Variants in GSG1L observed in about 807,000 individuals in gnomAD.
The protein encoded by GSG1L is GSG1 like, also known as germ cell-specific gene 1-like protein.
GSG1L carries 24 observed loss-of-function variants against 42.1 expected under a neutral mutation model. The ratio of observed to expected loss-of-function variants is 0.57; its 90% CI spans 0.41 to 0.80. The LOEUF (loss-of-function observed/expected upper bound fraction) is 0.80. GSG1L is among the 30% of genes least tolerant of loss of function. The pLI is 0.00. For synonymous variants in GSG1L, 215 were observed against 203.5 expected (o/e 1.06, Z -0.48); for missense variants, 445 against 472.2 (o/e 0.94, Z 0.53).
At chr16:28,020,869 G>T (rs1273991849) in intron 1 of GSG1L, among the ~76,000 whole-genome samples, 1 of 152,166 alleles carries the variant, frequency 6.6e-6, no homozygotes, top group African/African-American at 2.4e-5. Context: ...GGCCCCTTGG[G>T]AGGATTCTCC....
At chr16:27,808,009 C>G (rs565888664) in intron 5 of GSG1L, among the ~76,000 whole-genome samples, 2 of 152,356 alleles carry the variant, frequency 1.3e-5, no homozygotes, top group African/African-American at 4.8e-5. Context: ...AGGGAATTAA[C>G]TCCGGAGGCT....
At chr16:27,846,488 ATAAT>A (rs1239064722) in intron 3 of GSG1L, among the ~76,000 whole-genome samples, 1 of 152,226 alleles carries the variant, frequency 6.6e-6, no homozygotes, top group African/African-American at 2.4e-5. Flanking sequence ...TGTTGGCAAA[ATAAT>A]TAATTTTCTG....
rs2085310514 is a variant in GSG1L at position 27,980,213 on chromosome 16, G to A, written c.350-17010C>T. Among the ~76,000 whole-genome samples the A allele has an allele frequency of 2.0e-5, 3 of 152,176 alleles. 1 individual carries two copies. Among genetic ancestry groups the A allele is most frequent in the Admixed American group, 6.5e-5 (1 of 15,282 alleles). ...GGGTCTGCCAAGTTACCCTTGGCAT[G>A]GACATTGGGCGCCCAGGTCCTGGTT... On this transcript the variant is annotated intron_variant, in intron 1 of 6. Transcript: ENST00000447459.
chr16:27,983,202 G>T (rs936601710), intron 1 of GSG1L, among the ~76,000 whole-genome samples: 1 of 152,092 alleles, frequency 6.6e-6, no homozygotes, highest in Non-Finnish European at 1.5e-5. Context: ...GGGCATGGCG[G>T]TGCATGCCTG....
intron 1 of GSG1L, among the ~76,000 whole-genome samples, chr16:28,020,726 G>C (rs1470499234): frequency 6.6e-6 from 1 of 152,196 alleles, no homozygotes; most frequent in East Asian, 1.9e-4. Flanking sequence ...GCAACTTCTT[G>C]CTAGGGCTTT....
chr16:27,949,077 G>A (rs1004286945), intron 2 of GSG1L, among the ~76,000 whole-genome samples: 9 of 151,614 alleles, frequency 5.9e-5, no homozygotes, highest in Middle Eastern at 3.4e-3. Context: ...GCCACCATGC[G>A]CAGCTAATTT....
intron 2 of GSG1L, among the ~76,000 whole-genome samples, chr16:27,907,471 T>C (rs1019674112): frequency 6.6e-6 from 1 of 152,234 alleles, no homozygotes; most frequent in Non-Finnish European, 1.5e-5. Context: ...AGCCCTGGAA[T>C]GTTTGCTCAT....
chr16:27,917,816 G>T (rs187607616), intron 2 of GSG1L, among the ~76,000 whole-genome samples: 1 of 152,296 alleles, frequency 6.6e-6, no homozygotes, highest in East Asian at 1.9e-4. Flanking sequence ...CTGGCTTCGG[G>T]CACAGCTAGA....
chr16:28,039,594 C>A (rs903948132), intron 1 of GSG1L, among the ~76,000 whole-genome samples: 4 of 142,896 alleles, frequency 2.8e-5, no homozygotes, highest in Admixed American at 7.4e-5. Context: ...CATGCACATA[C>A]CCACACTTGC....
intron 1 of GSG1L, among the ~76,000 whole-genome samples, chr16:28,060,907 G>A (rs2141204642): frequency 6.6e-6 from 1 of 152,306 alleles, no homozygotes; most frequent in African/African-American, 2.4e-5. Context: ...CCCAAGTCAA[G>A]CCCTGAAAGA....
intron 3 of GSG1L, among the ~76,000 whole-genome samples, chr16:27,866,224 G>A (rs563861665): frequency 2.0e-5 from 3 of 151,986 alleles, no homozygotes; most frequent in East Asian, 1.9e-4. Context: ...CCCCTCTCCC[G>A]TTACATGAAC....
intron 3 of GSG1L, among the ~76,000 whole-genome samples, chr16:27,852,911 TGGA>T (rs2083531979): frequency 6.6e-6 from 1 of 151,948 alleles, no homozygotes; most frequent in Admixed American, 6.6e-5. Context: ...GCTGGAGGCA[TGGA>T]GCCCCGGGGC....
chr16:27,933,648 CAAAAAAAAAA>C (rs55936452), intron 2 of GSG1L, among the ~76,000 whole-genome samples: 2 of 94,680 alleles, frequency 2.1e-5, no homozygotes, highest in African/African-American at 4.1e-5. Flanking sequence ...GACTTTGTCA[CAAAAAAAAAA>C]AAAAAAAAAA....
At chr16:28,001,636 C>G (rs1376177511) in intron 1 of GSG1L, among the ~76,000 whole-genome samples, 1 of 152,212 alleles carries the variant, frequency 6.6e-6, no homozygotes, top group East Asian at 1.9e-4. Flanking sequence ...CAGGTCAAAG[C>G]CTCTGATCTT....
At chr16:27,958,355 A>G (rs2085029847) in intron 2 of GSG1L, among the ~76,000 whole-genome samples, 1 of 149,270 alleles carries the variant, frequency 6.7e-6, no homozygotes, top group Non-Finnish European at 1.5e-5. Flanking sequence ...CAGTGAGCCG[A>G]GATCATGCCA....
intron 2 of GSG1L, among the ~76,000 whole-genome samples, chr16:27,922,344 A>G (rs1300148903): frequency 6.6e-6 from 1 of 152,174 alleles, no homozygotes; most frequent in African/African-American, 2.4e-5. Flanking sequence ...CATAACTACA[A>G]AATATTCCCC....
chr16:27,817,507 T>C (rs2083109347), intron 5 of GSG1L, among the ~76,000 whole-genome samples: 1 of 152,138 alleles, frequency 6.6e-6, no homozygotes, highest in Non-Finnish European at 1.5e-5. Context: ...TTCTCTTTTT[T>C]AGACACGGGG....
chr16:27,970,431 G>C (rs1384055618), intron 1 of GSG1L, among the ~76,000 whole-genome samples: 1 of 151,848 alleles, frequency 6.6e-6, no homozygotes, highest in African/African-American at 2.4e-5. Context: ...AAGTAGCCAG[G>C]CATGGTGGTG....
chr16:27,845,921 GAGAA>G (rs1489405305), intron 3 of GSG1L, among the ~76,000 whole-genome samples: 1 of 138,118 alleles, frequency 7.2e-6, no homozygotes, highest in Admixed American at 7.2e-5. Context: ...TTTTTTTTTT[GAGAA>G]AGAGTCTCGC....
Sources: allele counts gnomAD v4.1 joint callset (sites outside exome capture counted in the v4.1 genomes callset), GRCh38; gene constraint gnomAD v4.1.1; transcripts MANE v1.5; gene names NCBI Gene and HGNC (gene_info 2026-07-23, HGNC 2026-07-21).